Variants in RAD51B observed in about 807,000 individuals in gnomAD.
RAD51B encodes the protein DNA repair protein RAD51 homolog 2.
A neutral mutation model predicts 42.2 loss-of-function variants in RAD51B; 38 were observed. The observed-to-expected ratio is 0.90, with a 90% confidence interval of 0.70 to 1.18. RAD51B has a LOEUF of 1.18. Ranked by LOEUF, RAD51B falls within the 50% of genes most tolerant of loss-of-function variation. The probability of loss-of-function intolerance (pLI) is 0.00; values close to 1 mark genes in which losing one functional copy is unlikely to be tolerated. For missense variants in RAD51B, 373 were observed against 400.7 expected (o/e 0.93, Z 0.59); for synonymous variants, 154 against 145.2 (o/e 1.06, Z -0.43).
At chr14:68,092,447 T>A (rs2140521553) in intron 7 of RAD51B, among the ~76,000 whole-genome samples, 1 of 152,190 alleles carries the variant, frequency 6.6e-6, no homozygotes, top group East Asian at 1.9e-4. Context: ...AGGTATTTTA[T>A]TCTCTTTGAA....
At chr14:68,174,391 A>G (rs1003421893) in intron 7 of RAD51B, among the ~76,000 whole-genome samples, 4 of 146,942 alleles carry the variant, frequency 2.7e-5, no homozygotes, top group East Asian at 2.0e-4. Context: ...AAAAAAAAAG[A>G]AAAAAAAAGT....
intron 7 of RAD51B, among the ~76,000 whole-genome samples, chr14:68,163,442 T>C (rs1405942928): frequency 6.6e-6 from 1 of 152,230 alleles, no homozygotes; most frequent in African/African-American, 2.4e-5. Context: ...CATGGATGAC[T>C]TTCTTCCCAT....
chr14:68,325,323 A>G (rs1277239001), intron 8 of RAD51B, among the ~76,000 whole-genome samples: 1 of 152,212 alleles, frequency 6.6e-6, no homozygotes, highest in Non-Finnish European at 1.5e-5. Context: ...CCACCATCAT[A>G]GGTACCCATT....
chr14:67,951,416 T>C (rs2074443947), intron 7 of RAD51B, among the ~76,000 whole-genome samples: 1 of 152,202 alleles, frequency 6.6e-6, no homozygotes, highest in Non-Finnish European at 1.5e-5. Flanking sequence ...AAATTAAACA[T>C]TAAATGGTTT....
intron 10 of RAD51B, among the ~76,000 whole-genome samples, chr14:68,500,970 C>A (rs1313620001): frequency 6.6e-6 from 1 of 152,188 alleles, no homozygotes. Flanking sequence ...GGGCTAAACC[C>A]AGGTGGGCTC....
chr14:68,480,471 A>G (rs1883088934), downstream of RAD51B, among the ~76,000 whole-genome samples: 1 of 152,158 alleles, frequency 6.6e-6, no homozygotes. Flanking sequence ...TCTGGTGCCC[A>G]ATATGGGGTG....
intron 10 of RAD51B, among the ~76,000 whole-genome samples, chr14:68,625,191 G>A (rs1430317207): frequency 6.6e-6 from 1 of 152,126 alleles, no homozygotes; most frequent in Non-Finnish European, 1.5e-5. Context: ...GGGATATAAT[G>A]AGGAGGGAAG....
chr14:68,673,883 C>CAT (rs56897659), intron 11 of RAD51B, among the ~76,000 whole-genome samples: 34,291 of 150,278 alleles, frequency 0.23, 4,013 homozygotes, highest in East Asian at 0.33. Context: ...TGTGCACACA[C>CAT]ATGTATACAT....
chr14:68,622,736 A>AAC lies in RAD51B; in HGVS notation c.1037-28044_1037-28043insCA, dbSNP rs1555432583. Among the ~76,000 whole-genome samples the AAC allele has an allele frequency of 4.6e-5, 7 of 151,864 alleles. No homozygotes were observed. In the East Asian group the frequency reaches 9.7e-4, roughly 21 times the overall value. On this transcript the variant is annotated intron_variant, in intron 10 of 11. Coordinates refer to the RAD51B transcript ENST00000488612. ...TGTATCCATTTACAAAAAAAAAAAA[A>AAC]AAAAAAACTGGATGTCACGATTCCT...
chr14:68,067,482 A>C (rs1352397939), intron 7 of RAD51B, among the ~76,000 whole-genome samples: 2 of 151,642 alleles, frequency 1.3e-5, no homozygotes. Context: ...AAAAACAAAA[A>C]AAAAAAAACA....
intron 10 of RAD51B, among the ~76,000 whole-genome samples, chr14:68,507,373 T>G (rs1158377658): frequency 1.3e-5 from 2 of 152,156 alleles, no homozygotes; most frequent in Non-Finnish European, 2.9e-5. Flanking sequence ...TTTATGAGCT[T>G]TTTCACTTTG....
Position 68,456,869 on chromosome 14 carries a change from A to ATTTTTTTTTTT in RAD51B, c.958-11261_958-11251dup, listed in dbSNP as rs71129889. On this transcript the variant is annotated intron_variant, in intron 9 of 10. Transcript: ENST00000471583. ...AAACTTCTCCAATCACAATGGAATGATTTTTTTTTTTTTTTTTTTTTTTTT... is the reference window on the plus strand; with the variant it reads ...AAACTTCTCCAATCACAATGGAATGATTTTTTTTTTTTTTTTTTTTTTTTTTTTTTTTTTTT... 7.5e-5 allele frequency among the ~76,000 whole-genome samples: 5 copies of ATTTTTTTTTTT among 66,460 alleles called. 1 individual carries two copies. Among genetic ancestry groups the ATTTTTTTTTTT allele is most frequent in the Non-Finnish European group, 1.2e-4 (4 of 32,922 alleles). The allele number at this position is 66,460 out of a possible 152,430, so 43.6% of individuals were successfully genotyped here.
intron 7 of RAD51B, among the ~76,000 whole-genome samples, chr14:68,013,897 A>T (rs980932841): frequency 6.6e-6 from 1 of 152,166 alleles, no homozygotes; most frequent in East Asian, 1.9e-4. Context: ...GAATTTTTTC[A>T]TGAAGCAGTG....
At chr14:67,903,785 T>C (rs112263360) in intron 7 of RAD51B, among the ~76,000 whole-genome samples, 1,597 of 152,292 alleles carry the variant, frequency 0.01, 28 homozygotes, top group African/African-American at 0.037. Context: ...AGGGGGTACA[T>C]GTGCAGGTTT....
intron 5 of RAD51B, among the ~76,000 whole-genome samples, chr14:67,880,907 G>A (rs1018033499): frequency 1.3e-5 from 2 of 152,046 alleles, no homozygotes; most frequent in African/African-American, 2.4e-5. Context: ...GTCATGCTTC[G>A]CTTAACAATT....
intron 7 of RAD51B, among the ~76,000 whole-genome samples, chr14:68,119,713 T>G (rs2077613879): frequency 6.6e-6 from 1 of 151,654 alleles, no homozygotes; most frequent in Non-Finnish European, 1.5e-5. Flanking sequence ...TAATCCAGTC[T>G]ATCATTGTTG....
intron 7 of RAD51B, among the ~76,000 whole-genome samples, chr14:68,156,455 T>TTCTCTCTGTCTCTC (rs2078508556): frequency 8.8e-6 from 1 of 114,266 alleles, no homozygotes; most frequent in African/African-American, 3.5e-5. Flanking sequence ...CTTAGAAAAT[T>TTCTCTCTGTCTCTC]TCTCTCTCTC....
intron 9 of RAD51B, among the ~76,000 whole-genome samples, chr14:68,429,117 G>A (rs1330518823): frequency 2.0e-5 from 3 of 152,108 alleles, no homozygotes; most frequent in African/African-American, 7.2e-5. Flanking sequence ...GTATTCCACG[G>A]TGTATATGTG....
At chr14:67,939,779 G>A (rs1369518479) in intron 7 of RAD51B, among the ~76,000 whole-genome samples, 3 of 151,508 alleles carry the variant, frequency 2.0e-5, no homozygotes, top group Non-Finnish European at 4.4e-5. Context: ...AGACTTAATC[G>A]AACCCTAATT....
Sources: gnomAD v4.1 joint callset for allele counts (sites outside exome capture counted in the v4.1 genomes callset) on GRCh38, gnomAD v4.1.1 for gene constraint, MANE v1.5 for transcripts, NCBI Gene and HGNC (gene_info 2026-07-23, HGNC 2026-07-21) for gene names.